Variants in TCF20 observed in about 807,000 individuals in gnomAD.
TCF20 encodes SPRE-binding protein.
Under a neutral mutation model 148.6 loss-of-function variants are expected in TCF20, and 3 were observed. The ratio of observed to expected loss-of-function variants is 0.02; its 90% CI spans 0.01 to 0.05. TCF20 has a LOEUF of 0.05. Among genes scored for constraint, TCF20 ranks in the 10% least tolerant of loss-of-function variants. The probability of loss-of-function intolerance (pLI) is 1.00; values close to 1 mark genes in which losing one functional copy is unlikely to be tolerated. For synonymous variants in TCF20, 1,049 were observed against 909.5 expected (o/e 1.15, Z -2.76); for missense variants, 2,350 against 2,429.3 (o/e 0.97, Z 0.69).
At position 42,255,367 on chromosome 22, in the gene TCF20, T is replaced by G. The variant is rs6002663; in HGVS notation, c.-37+14972A>C. Reference sequence around the variant, plus strand: ...AGCCGGGCTTGGTGGTGCGTGCCTGTAGTCCCAGCTAGTTGGGAGGCTAAG... The same window carrying G: ...AGCCGGGCTTGGTGGTGCGTGCCTGGAGTCCCAGCTAGTTGGGAGGCTAAG... On this transcript the variant is annotated intron_variant, in intron 1 of 5. Coordinates refer to ENST00000677622, the MANE Select transcript of TCF20 (RefSeq NM_001378418.1). Among the ~76,000 whole-genome samples the G allele has an allele frequency of 4.0e-3, 601 of 152,078 alleles. 1 individual carries two copies. The highest frequency in any genetic ancestry group is 0.014 in the African/African-American group (577 of 41,480).
chr22:42,200,474 C>G (rs997986353), intron 2 of TCF20, among the ~76,000 whole-genome samples: 1 of 151,966 alleles, frequency 6.6e-6, no homozygotes, highest in Non-Finnish European at 1.5e-5. Context: ...AACCCCATCT[C>G]TACTAAAAAA....
rs1601495876 is a variant in TCF20 at position 42,161,377 on chromosome 22, A to T, written c.*45-19T>A. The T allele has an allele frequency of 1.9e-6, 3 of 1,614,070 alleles. No individual in the cohort carries two copies. In the East Asian group the frequency reaches 6.7e-5, roughly 36 times the overall value. On this transcript the variant is annotated intron_variant, in intron 5 of 5. Transcript: ENST00000677622. The stretch of plus-strand genomic sequence containing the variant: ...GTCTCACCTGGAAGACAAGGGACAC[A>T]CAGTGAAGGCCAGGAGCCTCCACAG...
chr22:42,203,748 A>G (rs1938199000), intron 2 of TCF20, among the ~76,000 whole-genome samples: 1 of 152,112 alleles, frequency 6.6e-6, no homozygotes. Context: ...CTTGCCAGAG[A>G]GAGGGGGCTG....
intron 1 of TCF20, among the ~76,000 whole-genome samples, chr22:42,218,969 G>C (rs1473064023): frequency 1.3e-5 from 2 of 152,020 alleles, no homozygotes; most frequent in African/African-American, 4.8e-5. Context: ...TAGTATACAT[G>C]AAGCACCTGA....
Position 42,212,956 on chromosome 22 carries a change from C to T in TCF20, c.2350G>A (p.Gly784Arg). ...EHQGMAGSLEGTTRPNVLVSQ... is the reference protein window; with the variant it reads ...EHQGMAGSLERTTRPNVLVSQ... ...ACCAAGACATTGGGCCTTGTGGTTC[C>T]TTCTAGGCTACCAGCCATCCCCTGA... Residue 784 changes from glycine to arginine, a missense_variant, in exon 2 of 6, where the codon GGA (glycine) becomes AGA (arginine). By Grantham distance (125) the Gly-to-Arg change is moderately radical (BLOSUM62 -2). Coordinates refer to ENST00000677622, the MANE Select transcript of TCF20 (RefSeq NM_001378418.1). The T allele has an allele frequency of 6.2e-7, 1 of 1,614,160 alleles. No homozygotes were observed. Among genetic ancestry groups the T allele is most frequent in the South Asian group, 1.1e-5 (1 of 91,086 alleles).
chr22:42,195,534 CTT>C (rs1306684747), intron 2 of TCF20, among the ~76,000 whole-genome samples: 2 of 143,182 alleles, frequency 1.4e-5, no homozygotes, highest in Non-Finnish European at 1.5e-5. Context: ...GAGTTTCGCT[CTT>C]GTCACCCAGG....
At chr22:42,182,193 A>C (rs996725223) in intron 2 of TCF20, among the ~76,000 whole-genome samples, 1 of 152,192 alleles carries the variant, frequency 6.6e-6, no homozygotes, top group African/African-American at 2.4e-5. Context: ...CTGGAACCTA[A>C]ATAACTGCCT....
rs1167077591 is a variant in TCF20, at chr22:42,239,477, A to AG, written c.-36-24137dup. Among the ~76,000 whole-genome samples the AG allele has an allele frequency of 1.7e-3, 10 of 5,716 alleles. No homozygotes were observed. In the East Asian group the frequency reaches 0.023, roughly 13 times the overall value. The allele number at this position is 5,716 out of a possible 152,430, so 3.7% of individuals were successfully genotyped here. A position where few individuals can be genotyped will look rare whatever the true frequency, so the allele number is the denominator to read the frequency against. On this transcript the variant is annotated intron_variant, in intron 1 of 5. Transcript: ENST00000677622. ...GGGAACAAGAGTGAAAATCTCTCTC[A>AG]GAAAAAAAAAAAAAGTTTAAAATAT...
chr22:42,238,779 G>A (rs182458018), intron 1 of TCF20, among the ~76,000 whole-genome samples: 78 of 152,290 alleles, frequency 5.1e-4, no homozygotes, highest in Middle Eastern at 3.4e-3. Context: ...TATTAAGTTC[G>A]CCGTCTTATA....
intron 1 of TCF20, among the ~76,000 whole-genome samples, chr22:42,312,759 A>C (rs572037977): frequency 6.1e-4 from 93 of 152,192 alleles, no homozygotes; most frequent in African/African-American, 2.2e-3. Context: ...CCCTTCATGA[A>C]GAGCCAGGAG....
exon 1 of TCF20, among the ~76,000 whole-genome samples, chr22:42,283,888 G>A (rs542240695): frequency 6.6e-6 from 1 of 152,356 alleles, no homozygotes; most frequent in South Asian, 2.1e-4. Flanking sequence ...GGCGACCACG[G>A]GGGAGGAAAA....
At chr22:42,227,429 T>C (rs909309247) in intron 1 of TCF20, among the ~76,000 whole-genome samples, 1 of 152,244 alleles carries the variant, frequency 6.6e-6, no homozygotes, top group Non-Finnish European at 1.5e-5. Flanking sequence ...GAGAGCAGGC[T>C]GAAGGCATGA....
At chr22:42,332,689 A>G (rs1927997923) in intron 1 of TCF20, among the ~76,000 whole-genome samples, 1 of 152,096 alleles carries the variant, frequency 6.6e-6, no homozygotes, top group Non-Finnish European at 1.5e-5. Context: ...GCTGGTCTCA[A>G]ACTCCTGACC....
intron 1 of TCF20, among the ~76,000 whole-genome samples, chr22:42,257,664 G>A (rs1056756179): frequency 6.6e-6 from 1 of 152,184 alleles, no homozygotes; most frequent in Non-Finnish European, 1.5e-5. Context: ...AATGGTGTTT[G>A]AAAATATTCT....
At chr22:42,177,319 G>A (rs1294899853) in intron 3 of TCF20, among the ~76,000 whole-genome samples, 1 of 152,218 alleles carries the variant, frequency 6.6e-6, no homozygotes, top group Admixed American at 6.5e-5. Flanking sequence ...GGAGGCTGTG[G>A]CAGGAGAATC....
chr22:42,258,270 C>T (rs571384728), intron 1 of TCF20, among the ~76,000 whole-genome samples: 63 of 152,124 alleles, frequency 4.1e-4, no homozygotes, highest in Non-Finnish European at 7.6e-4. Context: ...ATACCTCCCC[C>T]CCCTTCCCTA....
intron 3 of TCF20, among the ~76,000 whole-genome samples, chr22:42,176,207 G>A (rs1936440044): frequency 6.6e-6 from 1 of 152,176 alleles, no homozygotes; most frequent in South Asian, 2.1e-4. Flanking sequence ...TAGTCTAACT[G>A]GCATCAGCAT....
At chr22:42,265,305 T>G (rs948769945) in intron 1 of TCF20, among the ~76,000 whole-genome samples, 1 of 152,220 alleles carries the variant, frequency 6.6e-6, no homozygotes, top group Non-Finnish European at 1.5e-5. Context: ...TTCAGTATAC[T>G]GTATTCTTTT....
intron 1 of TCF20, among the ~76,000 whole-genome samples, chr22:42,305,067 C>T (rs1291679633): frequency 6.6e-6 from 1 of 152,024 alleles, no homozygotes; most frequent in Non-Finnish European, 1.5e-5. Flanking sequence ...TCTCCCTGGT[C>T]GCCCATGGGA....
Sources: gnomAD v4.1 joint callset for allele counts (sites outside exome capture counted in the v4.1 genomes callset) on GRCh38, gnomAD v4.1.1 for gene constraint, MANE v1.5 for transcripts, NCBI Gene and HGNC (gene_info 2026-07-23, HGNC 2026-07-21) for gene names.